The following EBF1 variants were observed in gnomAD, a reference collection of about 807,000 sequenced individuals.
EBF1 encodes EBF transcription factor 1.
A neutral mutation model predicts 68.4 loss-of-function variants in EBF1; 10 were observed. That is an observed-to-expected ratio of 0.15 (90% CI 0.09 to 0.25). The LOEUF (loss-of-function observed/expected upper bound fraction) is 0.25. EBF1 is among the 10% of genes least tolerant of loss of function. The pLI, the probability that EBF1 is intolerant of heterozygous loss-of-function variation, is 1.00. For missense variants in EBF1, 509 were observed against 794.4 expected (o/e 0.64, Z 4.32); for synonymous variants, 298 against 299.8 (o/e 0.99, Z 0.06).
intron 8 of EBF1, among the ~76,000 whole-genome samples, chr5:158,814,424 A>T (rs1395751255): frequency 2.0e-5 from 3 of 152,144 alleles, no homozygotes; most frequent in African/African-American, 7.2e-5. Context: ...TTCCTCCCCA[A>T]ATCTCCCCTA....
chr5:158,788,787 C>T (rs1777965939), intron 9 of EBF1, among the ~76,000 whole-genome samples: 1 of 152,128 alleles, frequency 6.6e-6, no homozygotes, highest in African/African-American at 2.4e-5. Flanking sequence ...GACACGTGTA[C>T]CTCCTGAACA....
chr5:159,017,095 A>T (rs913417221), intron 6 of EBF1, among the ~76,000 whole-genome samples: 47 of 151,612 alleles, frequency 3.1e-4, no homozygotes, highest in African/African-American at 1.1e-3. Flanking sequence ...TTATTTTGAC[A>T]TGTAAGCAAT....
At chr5:158,944,338 G>C (rs1050062938) in intron 6 of EBF1, among the ~76,000 whole-genome samples, 1 of 152,036 alleles carries the variant, frequency 6.6e-6, no homozygotes. Flanking sequence ...TTGTTCCTGT[G>C]TTAGTTTGCT....
chr5:158,886,196 C>T (rs1195074205), intron 6 of EBF1, among the ~76,000 whole-genome samples: 2 of 152,214 alleles, frequency 1.3e-5, no homozygotes, highest in African/African-American at 4.8e-5. Context: ...TCAAGGCATG[C>T]CTGTCATCAA....
At chr5:158,920,208 T>C (rs751726894) in intron 6 of EBF1, among the ~76,000 whole-genome samples, 2 of 149,326 alleles carry the variant, frequency 1.3e-5, no homozygotes, top group African/African-American at 2.4e-5. Context: ...TAATGTAATC[T>C]TCTTAACAAT....
At chr5:158,717,714 G>A (rs1460804326) in intron 11 of EBF1, among the ~76,000 whole-genome samples, 3 of 151,800 alleles carry the variant, frequency 2.0e-5, no homozygotes, top group African/African-American at 4.8e-5. Flanking sequence ...GAGTCTCCTT[G>A]TAGAGGTAAT....
chr5:158,907,606 G>A (rs559821798), intron 6 of EBF1, among the ~76,000 whole-genome samples: 3 of 152,152 alleles, frequency 2.0e-5, no homozygotes, highest in South Asian at 2.1e-4. Context: ...TGGGTGTCCT[G>A]GTCCCATGAA....
At chr5:159,099,228 G>T in intron 1 of EBF1, 117 bp downstream of exon 1, 1 of 771,958 alleles carries the variant, frequency 1.3e-6, no homozygotes, top group Non-Finnish European at 1.8e-6. Context: ...CGCAGCGGCT[G>T]CGGACTCACC....
chr5:158,824,144 G>A (rs574355628), intron 7 of EBF1, among the ~76,000 whole-genome samples: 24 of 152,302 alleles, frequency 1.6e-4, no homozygotes, highest in Middle Eastern at 6.8e-3. Flanking sequence ...ACAGAGATAT[G>A]TTTATTCATG....
rs1775529090 is a variant in EBF1 at position 158,777,507 on chromosome 5, G to A, written c.942C>T (p.Thr314=). ...CAACACCAGGGATGTGCCGAGGAGG[G>A]GTCTGCACACGGATGGCATGAGGAG... ...LITPHAIRVQ[T]PPRHIPGVVE... Residue 314 remains threonine (T), a synonymous_variant, in exon 10 of 16, where the codon ACC becomes ACT. Transcript: ENST00000313708. 1 of 1,612,238 alleles carries A rather than the reference G, an allele frequency of 6.2e-7. No homozygotes were observed. Among genetic ancestry groups the A allele is most frequent in the African/African-American group, 1.3e-5 (1 of 74,928 alleles).
At chr5:158,822,898 T>A (rs1041236356) in intron 8 of EBF1, among the ~76,000 whole-genome samples, 2 of 152,176 alleles carry the variant, frequency 1.3e-5, no homozygotes, top group African/African-American at 4.8e-5. Flanking sequence ...AAAGCAATGG[T>A]CCAGGCCTCC....
chr5:159,062,422 C>A (rs1449751233), intron 6 of EBF1, among the ~76,000 whole-genome samples: 1 of 151,848 alleles, frequency 6.6e-6, no homozygotes, highest in East Asian at 1.9e-4. Flanking sequence ...TAACTTCAAG[C>A]CCCTTCTTTC....
At chr5:158,997,659 T>C (rs962872117) in intron 6 of EBF1, among the ~76,000 whole-genome samples, 5 of 152,216 alleles carry the variant, frequency 3.3e-5, no homozygotes, top group African/African-American at 1.2e-4. Flanking sequence ...TGCAAATTTA[T>C]TCTCCAAACT....
chr5:158,866,120 G>T (rs1375923862), intron 6 of EBF1, among the ~76,000 whole-genome samples: 1 of 152,202 alleles, frequency 6.6e-6, no homozygotes, highest in Admixed American at 6.5e-5. Context: ...AGGCCACAAA[G>T]CTAACTTGGG....
intron 6 of EBF1, among the ~76,000 whole-genome samples, chr5:158,931,407 TG>T (rs1317006784): frequency 1.3e-5 from 2 of 152,212 alleles, no homozygotes; most frequent in Non-Finnish European, 2.9e-5. Context: ...ATGGTATTCA[TG>T]TTTTGGGCTG....
chr5:159,067,448 A>T (rs1170932839), intron 6 of EBF1, among the ~76,000 whole-genome samples: 1 of 152,208 alleles, frequency 6.6e-6, no homozygotes, highest in East Asian at 1.9e-4. Flanking sequence ...TTTACAGGAA[A>T]ACCACTGTTG....
intron 6 of EBF1, among the ~76,000 whole-genome samples, chr5:158,989,888 A>G (rs1759924549): frequency 6.6e-6 from 1 of 152,194 alleles, no homozygotes; most frequent in African/African-American, 2.4e-5. Context: ...TTTCTATGCA[A>G]AACTCTAGAT....
intron 9 of EBF1, among the ~76,000 whole-genome samples, chr5:158,793,659 C>T (rs879892334): frequency 2.6e-5 from 4 of 152,142 alleles, no homozygotes; most frequent in Admixed American, 6.5e-5. Context: ...CTCTCTGAAA[C>T]TCAGTTTACT....
intron 4 of EBF1, among the ~76,000 whole-genome samples, chr5:159,095,232 C>T (rs561761858): frequency 9.1e-4 from 138 of 152,290 alleles, no homozygotes; most frequent in African/African-American, 3.1e-3. Flanking sequence ...CCCCTCGCCC[C>T]TCTGCTTCCC....
Sources: gnomAD v4.1 joint callset for allele counts (sites outside exome capture counted in the v4.1 genomes callset) on GRCh38, gnomAD v4.1.1 for gene constraint, MANE v1.5 for transcripts, NCBI Gene and HGNC (gene_info 2026-07-23, HGNC 2026-07-21) for gene names.